Variants in PTPRM observed in about 807,000 individuals in gnomAD.
The protein encoded by PTPRM is protein tyrosine phosphatase receptor type M.
In PTPRM, 47 loss-of-function variants were observed where a neutral mutation model predicts 186.7. That is an observed-to-expected ratio of 0.25 (90% CI 0.20 to 0.32). The LOEUF is 0.32. Ranked by LOEUF, PTPRM falls within the 10% of genes least tolerant of loss-of-function variation. PTPRM has a pLI of 1.00. For synonymous variants in PTPRM, 668 were observed against 674.9 expected, an observed-to-expected ratio of 0.99 and a Z score of 0.16; for missense variants, 1,494 against 1,865.0, an observed-to-expected ratio of 0.80 and a Z score of 3.66.
intron 7 of PTPRM, among the ~76,000 whole-genome samples, chr18:8,036,993 G>A (rs2086374772): frequency 6.6e-6 from 1 of 152,164 alleles, no homozygotes; most frequent in South Asian, 2.1e-4. Context: ...CTTCTGAACT[G>A]GGATCATGGG....
chr18:8,366,239 C>A (rs1250150998), intron 23 of PTPRM, among the ~76,000 whole-genome samples: 1 of 152,230 alleles, frequency 6.6e-6, no homozygotes, highest in East Asian at 1.9e-4. Flanking sequence ...AAGCTCACGT[C>A]CACACTGCGT....
At chr18:7,685,428 C>A (rs2039579932) in intron 1 of PTPRM, among the ~76,000 whole-genome samples, 1 of 152,144 alleles carries the variant, frequency 6.6e-6, no homozygotes, top group Admixed American at 6.5e-5. Flanking sequence ...AGAAAAGGAG[C>A]AATTACTGTT....
At chr18:8,151,707 A>C (rs1460817878) in intron 14 of PTPRM, among the ~76,000 whole-genome samples, 2 of 151,316 alleles carry the variant, frequency 1.3e-5, no homozygotes, top group Non-Finnish European at 2.9e-5. Flanking sequence ...AAAAAAAAAA[A>C]AAAAACTCCT....
intron 10 of PTPRM, among the ~76,000 whole-genome samples, chr18:8,086,784 T>G (rs990650443): frequency 6.6e-6 from 1 of 152,134 alleles, no homozygotes; most frequent in African/African-American, 2.4e-5. Context: ...AGTGTTTGGC[T>G]AGGTTTTGAG....
intron 2 of PTPRM, among the ~76,000 whole-genome samples, chr18:7,812,884 G>A (rs1446079): frequency 0.01 from 1,597 of 152,310 alleles, 33 homozygotes; most frequent in African/African-American, 0.036. Context: ...CAGCAGTGGC[G>A]CAGAGGTGCT....
rs191940846 is a variant in PTPRM at position 8,286,292 on chromosome 18, C to T, written c.2755-10076C>T. Reference sequence around the variant, plus strand: ...TCAAGGGAGTACATTCAGATGACTACGACATTCACCCAAGACCTACTGTAA... The same window carrying T: ...TCAAGGGAGTACATTCAGATGACTATGACATTCACCCAAGACCTACTGTAA... On this transcript the variant is annotated intron_variant, in intron 19 of 32. Coordinates refer to ENST00000580170, the MANE Select transcript of PTPRM (RefSeq NM_001105244.2). Among the ~76,000 whole-genome samples the T allele has an allele frequency of 2.5e-3, 379 of 152,274 alleles. 1 individual carries two copies. Among genetic ancestry groups the T allele is most frequent in the Non-Finnish European group, 3.8e-3 (256 of 68,030 alleles).
chr18:8,173,668 T>A (rs545722225), intron 14 of PTPRM, among the ~76,000 whole-genome samples: 1 of 152,298 alleles, frequency 6.6e-6, no homozygotes, highest in African/African-American at 2.4e-5. Context: ...CAAGAATAGC[T>A]TGGCAGGCCA....
At chr18:8,144,212 C>T (rs543044909) in intron 14 of PTPRM, among the ~76,000 whole-genome samples, 20 of 152,206 alleles carry the variant, frequency 1.3e-4, no homozygotes, top group South Asian at 2.1e-4. Flanking sequence ...ATGTAGGCAC[C>T]GTGCTAGGGA....
At chr18:7,960,478 TATAC>T (rs1367852791) in intron 7 of PTPRM, among the ~76,000 whole-genome samples, 7,770 of 92,584 alleles carry the variant, frequency 0.084, 184 homozygotes, top group East Asian at 0.12. Flanking sequence ...TATATATATA[TATAC>T]ACACACACAC....
intron 2 of PTPRM, among the ~76,000 whole-genome samples, chr18:7,809,172 C>A (rs2145454234): frequency 6.6e-6 from 1 of 152,236 alleles, no homozygotes; most frequent in East Asian, 1.9e-4. Context: ...CTCTCATCAG[C>A]CCCCTTCATC....
At chr18:7,665,445 T>A (rs1158947579) in intron 1 of PTPRM, among the ~76,000 whole-genome samples, 1 of 152,208 alleles carries the variant, frequency 6.6e-6, no homozygotes, top group Non-Finnish European at 1.5e-5. Flanking sequence ...ACCTCGTAAA[T>A]TTTTCCAGGC....
chr18:8,021,276 A>G (rs941344848), intron 7 of PTPRM, among the ~76,000 whole-genome samples: 7 of 151,480 alleles, frequency 4.6e-5, no homozygotes, highest in African/African-American at 1.7e-4. Context: ...TTTTGATTCC[A>G]AGTAACAAAA....
At chr18:7,994,387 A>T (rs1480328889) in intron 7 of PTPRM, among the ~76,000 whole-genome samples, 2 of 152,110 alleles carry the variant, frequency 1.3e-5, no homozygotes, top group Non-Finnish European at 2.9e-5. Context: ...GGGGACTTCA[A>T]CACCAAACTT....
chr18:7,865,126 A>G (rs894964745), intron 2 of PTPRM, among the ~76,000 whole-genome samples: 1 of 152,176 alleles, frequency 6.6e-6, no homozygotes, highest in Non-Finnish European at 1.5e-5. Flanking sequence ...CTAAATATAC[A>G]ATCATGTCAT....
intron 7 of PTPRM, among the ~76,000 whole-genome samples, chr18:7,979,112 G>T (rs1468344222): frequency 1.3e-5 from 2 of 152,160 alleles, no homozygotes; most frequent in Non-Finnish European, 2.9e-5. Context: ...AAAACAAAAG[G>T]GAGGGCAGAG....
chr18:8,035,324 C>A (rs2086250379), intron 7 of PTPRM, among the ~76,000 whole-genome samples: 1 of 152,060 alleles, frequency 6.6e-6, no homozygotes. Context: ...AAATAACCTG[C>A]AAATCATGCA....
chr18:7,809,204 C>T (rs1460490870), intron 2 of PTPRM, among the ~76,000 whole-genome samples: 1 of 152,080 alleles, frequency 6.6e-6, no homozygotes, highest in Admixed American at 6.5e-5. Flanking sequence ...TCCAGGATGC[C>T]GGTAGGAGGC....
chr18:7,779,497 A>G (rs189754683), intron 2 of PTPRM, among the ~76,000 whole-genome samples: 47 of 152,338 alleles, frequency 3.1e-4, no homozygotes, highest in Non-Finnish European at 5.9e-5. Context: ...ATGACTACAT[A>G]TATTTGTTTA....
chr18:8,069,280 C>T (rs553823082), intron 7 of PTPRM, among the ~76,000 whole-genome samples: 6 of 152,300 alleles, frequency 3.9e-5, no homozygotes, highest in African/African-American at 1.2e-4. Context: ...GCTCCTCCTT[C>T]ATCATTGCTT....
Sources: allele counts gnomAD v4.1 joint callset (sites outside exome capture counted in the v4.1 genomes callset), GRCh38; gene constraint gnomAD v4.1.1; transcripts MANE v1.5; gene names NCBI Gene and HGNC (gene_info 2026-07-23, HGNC 2026-07-21).